CDH18: variants seen among roughly 807,000 people sequenced by gnomAD.
CDH18 encodes the protein cadherin-18.
A neutral mutation model predicts 67.9 loss-of-function variants in CDH18; 31 were observed. That is an observed-to-expected ratio of 0.46 (90% CI 0.34 to 0.62). The LOEUF is 0.62. Ranked by LOEUF, CDH18 falls within the 20% of genes least tolerant of loss-of-function variation. CDH18 has a pLI of 0.01. For synonymous variants in CDH18, 362 were observed against 347.2 expected (o/e 1.04, Z -0.48); for missense variants, 890 against 975.5 (o/e 0.91, Z 1.17).
At chr5:20,554,638 C>T (rs1812073) in intron 1 of CDH18, among the ~76,000 whole-genome samples, 109,460 of 152,098 alleles carry the variant, frequency 0.72, 39,725 homozygotes, top group East Asian at 0.98. Context: ...TCTCTCACTC[C>T]ATGTGCTTTC....
chr5:19,956,436 A>G (rs909293857), intron 2 of CDH18, among the ~76,000 whole-genome samples: 71 of 152,066 alleles, frequency 4.7e-4, no homozygotes, highest in African/African-American at 1.6e-3. Flanking sequence ...CCTAATCATC[A>G]GCAGTTAGTG....
At chr5:20,383,651 A>C (rs1744089437) in intron 1 of CDH18, among the ~76,000 whole-genome samples, 1 of 152,140 alleles carries the variant, frequency 6.6e-6, no homozygotes, top group East Asian at 1.9e-4. Context: ...CTTTTGCGTG[A>C]ATCTTTCATT....
At chr5:19,847,403 G>T (rs1300245077) in intron 2 of CDH18, among the ~76,000 whole-genome samples, 2 of 151,906 alleles carry the variant, frequency 1.3e-5, no homozygotes. Flanking sequence ...TAGAACTTTT[G>T]CACTAAAATT....
chr5:19,489,437 C>T (rs1293477923), intron 11 of CDH18, among the ~76,000 whole-genome samples: 13 of 151,870 alleles, frequency 8.6e-5, no homozygotes, highest in Non-Finnish European at 1.5e-4. Context: ...TTAGTAGAGA[C>T]AGGGTTTCAC....
intron 1 of CDH18, among the ~76,000 whole-genome samples, chr5:20,514,316 A>T (rs1034313498): frequency 6.6e-6 from 1 of 152,124 alleles, no homozygotes. Context: ...GTGTGTACAG[A>T]TTACATGGCA....
intron 2 of CDH18, among the ~76,000 whole-genome samples, chr5:19,883,738 G>A (rs2150063513): frequency 6.6e-6 from 1 of 152,118 alleles, no homozygotes; most frequent in Non-Finnish European, 1.5e-5. Flanking sequence ...AAGGCAAAAT[G>A]TTTATTCTAC....
chr5:20,345,648 C>T (rs997848829), intron 1 of CDH18, among the ~76,000 whole-genome samples: 2 of 151,676 alleles, frequency 1.3e-5, no homozygotes, highest in Non-Finnish European at 2.9e-5. Flanking sequence ...AATTACCTAA[C>T]CCACCTAACC....
At chr5:20,177,663 G>T (rs963645730) in intron 2 of CDH18, among the ~76,000 whole-genome samples, 1 of 151,990 alleles carries the variant, frequency 6.6e-6, no homozygotes, top group African/African-American at 2.4e-5. Flanking sequence ...TCCTGATATG[G>T]TTCGGCCATG....
intron 2 of CDH18, among the ~76,000 whole-genome samples, chr5:20,049,775 A>T (rs1390993801): frequency 1.3e-5 from 2 of 151,770 alleles, no homozygotes; most frequent in Non-Finnish European, 2.9e-5. Flanking sequence ...GTCAAAATTG[A>T]CATTGTAATA....
chr5:20,408,305 T>C (rs573046130), intron 1 of CDH18, among the ~76,000 whole-genome samples: 19 of 152,180 alleles, frequency 1.2e-4, no homozygotes, highest in Admixed American at 5.9e-4. Context: ...AAGAGCAGCA[T>C]GATAGCCTAC....
intron 4 of CDH18, among the ~76,000 whole-genome samples, chr5:19,726,887 G>T (rs1766914348): frequency 6.6e-6 from 1 of 152,118 alleles, no homozygotes; most frequent in Admixed American, 6.5e-5. Context: ...TCTTTATTAA[G>T]AGATTAGTAA....
intron 5 of CDH18, among the ~76,000 whole-genome samples, chr5:19,642,199 A>G (rs1580660269): frequency 6.6e-6 from 1 of 152,168 alleles, no homozygotes; most frequent in Non-Finnish European, 1.5e-5. Flanking sequence ...AAATGGAAAG[A>G]CAGCATATAC....
chr5:20,336,392 A>G (rs1366353294), intron 1 of CDH18, among the ~76,000 whole-genome samples: 2 of 152,032 alleles, frequency 1.3e-5, no homozygotes, highest in African/African-American at 2.4e-5. Context: ...AGCACCCACA[A>G]TGTGTCTGCA....
intron 2 of CDH18, among the ~76,000 whole-genome samples, chr5:19,871,525 C>G (rs990533853): frequency 1.3e-5 from 2 of 152,174 alleles, no homozygotes; most frequent in Non-Finnish European, 2.9e-5. Context: ...TGATTCCAAA[C>G]TTTTTTAGGA....
chr5:20,360,755 G>T (rs1284785290), intron 1 of CDH18, among the ~76,000 whole-genome samples: 1 of 152,072 alleles, frequency 6.6e-6, no homozygotes, highest in Non-Finnish European at 1.5e-5. Context: ...TGAGGTTACA[G>T]CATTAGTATT....
chr5:20,095,998 T>G (rs1263189487), intron 2 of CDH18, among the ~76,000 whole-genome samples: 1 of 152,000 alleles, frequency 6.6e-6, no homozygotes, highest in Admixed American at 6.6e-5. Flanking sequence ...GTAAAAACAA[T>G]TTTTAAAAGC....
intron 2 of CDH18, among the ~76,000 whole-genome samples, chr5:19,895,477 C>G (rs1789221097): frequency 6.6e-6 from 1 of 152,136 alleles, no homozygotes; most frequent in African/African-American, 2.4e-5. Context: ...AACCTCCCAG[C>G]AGTTCCAAAC....
intron 2 of CDH18, among the ~76,000 whole-genome samples, chr5:20,166,215 C>A (rs1035403106): frequency 1.3e-5 from 2 of 151,818 alleles, no homozygotes; most frequent in Non-Finnish European, 1.5e-5. Flanking sequence ...CCAAGGCTGG[C>A]GGATCACCTG....
intron 1 of CDH18, among the ~76,000 whole-genome samples, chr5:20,453,985 T>C (rs1750663523): frequency 6.6e-6 from 1 of 152,248 alleles, no homozygotes; most frequent in Admixed American, 6.5e-5. Flanking sequence ...GTCAGACTAC[T>C]GTTATGGAAA....
Sources: gnomAD v4.1 joint callset for allele counts (sites outside exome capture counted in the v4.1 genomes callset) on GRCh38, gnomAD v4.1.1 for gene constraint, MANE v1.5 for transcripts, NCBI Gene and HGNC (gene_info 2026-07-23, HGNC 2026-07-21) for gene names.